Variants in IL12RB2 observed in about 807,000 individuals in gnomAD.
IL12RB2 encodes the protein interleukin-12 receptor subunit beta-2.
IL12RB2 carries 82 observed loss-of-function variants against 89.4 expected under a neutral mutation model. That is an observed-to-expected ratio of 0.92 (90% CI 0.77 to 1.10). The LOEUF (loss-of-function observed/expected upper bound fraction) is 1.10. IL12RB2 is among the 50% of genes least tolerant of loss of function. IL12RB2 has a pLI of 0.00. For missense variants in IL12RB2, 963 were observed against 1,031.9 expected (o/e 0.93, Z 0.92); for synonymous variants, 368 against 370.1 (o/e 0.99, Z 0.07).
At chr1:67,352,545 C>A (rs929387161) in intron 10 of IL12RB2, among the ~76,000 whole-genome samples, 5 of 152,122 alleles carry the variant, frequency 3.3e-5, no homozygotes, top group Middle Eastern at 3.2e-3. Context: ...ATTCATCAGC[C>A]CACTGGTCAC....
intron 10 of IL12RB2, among the ~76,000 whole-genome samples, chr1:67,354,646 G>A (rs1479952182): frequency 2.0e-5 from 3 of 152,202 alleles, no homozygotes; most frequent in African/African-American, 7.2e-5. Flanking sequence ...ACAAGTAGTT[G>A]TGTGTCCCAG....
intron 9 of IL12RB2, among the ~76,000 whole-genome samples, chr1:67,340,624 A>C (rs967014729): frequency 6.6e-6 from 1 of 152,240 alleles, no homozygotes; most frequent in African/African-American, 2.4e-5. Flanking sequence ...AAAATTCAGC[A>C]GTGCTGCATG....
intron 9 of IL12RB2, 118 bp downstream of exon 9, chr1:67,338,821 A>T: frequency 2.8e-6 from 2 of 716,540 alleles, no homozygotes. Flanking sequence ...TCATTTTCTC[A>T]CATTCATGAC....
chr1:67,329,844 A>G (rs1569824023), intron 7 of IL12RB2, 115 bp downstream of exon 7: 1 of 789,110 alleles, frequency 1.3e-6, no homozygotes, highest in Middle Eastern at 3.5e-4. Flanking sequence ...TCCCAAAAGT[A>G]CACACGAGAG....
At chr1:67,332,067 T>TG (rs1490439738) in intron 8 of IL12RB2, among the ~76,000 whole-genome samples, 1 of 152,208 alleles carries the variant, frequency 6.6e-6, no homozygotes, top group Non-Finnish European at 1.5e-5. Context: ...TTATTTTCTG[T>TG]GAGCTACTAA....
chr1:67,307,724 C>T (rs982308115), upstream of IL12RB2: 2 of 152,212 alleles, frequency 1.3e-5, no homozygotes, highest in African/African-American at 2.4e-5. Context: ...TCCTCTCCGC[C>T]CTGCGGCCAC....
At chr1:67,330,615 G>A in intron 7 of IL12RB2, 45 bp from the exon 8 acceptor site, 3 of 859,320 alleles carry the variant, frequency 3.5e-6, no homozygotes, top group South Asian at 1.4e-5. Flanking sequence ...CCTTAAATTA[G>A]CAATCTAGTA....
At chr1:67,342,724 C>T (rs554298257) in intron 9 of IL12RB2, among the ~76,000 whole-genome samples, 72 of 150,800 alleles carry the variant, frequency 4.8e-4, no homozygotes, top group Non-Finnish European at 7.7e-4. Flanking sequence ...AGTACCATTT[C>T]CTCAAAAATA....
intron 15 of IL12RB2, among the ~76,000 whole-genome samples, chr1:67,389,727 G>T (rs1165124392): frequency 6.6e-6 from 1 of 152,140 alleles, no homozygotes; most frequent in Non-Finnish European, 1.5e-5. Flanking sequence ...CATTGTGCTG[G>T]TCACATATTA....
intron 16 of IL12RB2, among the ~76,000 whole-genome samples, chr1:67,390,405 T>C (rs1404704086): frequency 4.6e-5 from 7 of 150,638 alleles, no homozygotes; most frequent in Admixed American, 1.3e-4. Flanking sequence ...ACCAAACTGC[T>C]CTCCTGTTCT....
At position 67,338,866 on chromosome 1, in the gene IL12RB2, G is replaced by T. The variant is rs894988499; in HGVS notation, c.1038+163G>T. 4.0e-5 allele frequency: 26 copies of T among 653,216 alleles called. No homozygotes were observed. In the Admixed American group the frequency reaches 5.4e-4, roughly 14 times the overall value. 40.5% of individuals were successfully genotyped at this position (653,216 alleles called of 1,614,324 possible). ...TGTCATGTGCCTTTGGTGGATAGGG[G>T]TGAGAGCTGAGTTCCTTCTTCCACA... On this transcript the variant is annotated intron_variant, in intron 9 of 16. Coordinates refer to ENST00000674203, the MANE Select transcript of IL12RB2 (RefSeq NM_001374259.2).
intron 14 of IL12RB2, among the ~76,000 whole-genome samples, chr1:67,380,473 C>T (rs881087): frequency 0.65 from 98,373 of 152,128 alleles, 32,361 homozygotes; most frequent in South Asian, 0.73. Flanking sequence ...CCTAGCATGG[C>T]GGCCAGCACA....
intron 16 of IL12RB2, among the ~76,000 whole-genome samples, chr1:67,391,994 G>GGACT (rs1360705167): frequency 1.3e-5 from 2 of 152,090 alleles, no homozygotes; most frequent in East Asian, 3.9e-4. Context: ...GAGGCACAGA[G>GGACT]GACTACGTAA....
In IL12RB2 at chr1:67,372,759, T is replaced by C; in HGVS notation, c.1693T>C (p.Ser565Pro). 1 of 1,608,992 alleles carries C rather than the reference T, an allele frequency of 6.2e-7. No homozygotes were observed. Among genetic ancestry groups the C allele is most frequent in the Non-Finnish European group, 8.5e-7 (1 of 1,175,388 alleles). ...HYRIYWKERD[S>P]NSQPQLCEIP... is the part of the protein sequence containing the mutation. The stretch of plus-strand genomic sequence containing the variant: ...TAGGATATACTGGAAGGAACGGGAC[T>C]CCAACTCCCAGCCTCAGCTCTGTGG... The change falls in exon 13 of 17, where the codon TCC becomes CCC. Residue 565 changes from serine to proline, a missense_variant. Coordinates refer to ENST00000674203, the MANE Select transcript of IL12RB2 (RefSeq NM_001374259.2).
intron 13 of IL12RB2, among the ~76,000 whole-genome samples, chr1:67,374,499 G>A (rs903053153): frequency 1.4e-5 from 2 of 146,330 alleles, no homozygotes; most frequent in Admixed American, 6.9e-5. Context: ...TTTTTCATAC[G>A]GAGTCTTGCT....
At chr1:67,341,623 G>A (rs79649012) in intron 9 of IL12RB2, among the ~76,000 whole-genome samples, 1,863 of 152,228 alleles carry the variant, frequency 0.012, 23 homozygotes, top group Middle Eastern at 0.041. Flanking sequence ...AAAAAGGTAA[G>A]CACTAGAAGC....
rs748366699 is a variant in IL12RB2, at chr1:67,328,317, G to T, written c.597G>T (p.Lys199Asn). Residue 199 changes from lysine (K) to asparagine (N), a missense_variant, in exon 6 of 17, where the codon AAG becomes AAT. Coordinates refer to ENST00000674203, the MANE Select transcript of IL12RB2 (RefSeq NM_001374259.2). ...PESPESNFTA[K>N]VTAVNSLGSS... is the part of the protein sequence containing the mutation. ...CACCTGAATCCAATTTCACAGCCAA[G>T]GTTACTGCTGTCAATAGTCTTGGAA... The T allele has an allele frequency of 6.2e-7, 1 of 1,614,110 alleles. No individual in the cohort carries two copies. The highest frequency in any genetic ancestry group is 1.7e-5 in the Admixed American group (1 of 60,014).
intron 3 of IL12RB2, among the ~76,000 whole-genome samples, chr1:67,320,927 A>AC (rs1558297954): frequency 6.1e-5 from 1 of 16,304 alleles, no homozygotes; most frequent in African/African-American, 2.6e-4. Flanking sequence ...CGTGATGCCC[A>AC]CCCCCACCCC....
rs17129767 is a variant in IL12RB2, at chr1:67,317,177, A to G, written c.-36-3156A>G. Among the ~76,000 whole-genome samples the G allele has an allele frequency of 5.8e-3, 885 of 152,284 alleles. 14 individuals carry two copies. The highest frequency in any genetic ancestry group is 0.021 in the African/African-American group (854 of 41,566). On this transcript the variant is annotated intron_variant, in intron 2 of 16. Transcript: ENST00000674203. ...GGACGGGCAGGAGTATAAGCAGCTCAGTGTCATTAGATGGTAGTGTCAGCA... is the reference window on the plus strand; with the variant it reads ...GGACGGGCAGGAGTATAAGCAGCTCGGTGTCATTAGATGGTAGTGTCAGCA...
Sources: gnomAD v4.1 joint callset for allele counts (sites outside exome capture counted in the v4.1 genomes callset) on GRCh38, gnomAD v4.1.1 for gene constraint, MANE v1.5 for transcripts, NCBI Gene and HGNC (gene_info 2026-07-23, HGNC 2026-07-21) for gene names.